The following CACNA2D1 variants were observed in gnomAD, a reference collection of about 807,000 sequenced individuals.
The protein encoded by CACNA2D1 is voltage-dependent calcium channel subunit alpha-2/delta-1.
A neutral mutation model predicts 171.5 loss-of-function variants in CACNA2D1; 53 were observed. The ratio of observed to expected loss-of-function variants is 0.31; its 90% CI spans 0.25 to 0.39. CACNA2D1 has a LOEUF of 0.39. Among genes scored for constraint, CACNA2D1 ranks in the 10% least tolerant of loss-of-function variants. The pLI is 1.00. For synonymous variants in CACNA2D1, 442 were observed against 443.1 expected (o/e 1.00, Z 0.03); for missense variants, 903 against 1,299.8 (o/e 0.69, Z 4.69).
chr7:82,047,734 G>A (rs917464607), intron 10 of CACNA2D1, among the ~76,000 whole-genome samples: 12 of 152,010 alleles, frequency 7.9e-5, no homozygotes, highest in African/African-American at 1.2e-4. Context: ...TCAAAGAAGC[G>A]TACATTCTTG....
intron 7 of CACNA2D1, among the ~76,000 whole-genome samples, chr7:82,069,769 G>A (rs1269553435): frequency 6.6e-6 from 1 of 151,628 alleles, no homozygotes; most frequent in East Asian, 1.9e-4. Flanking sequence ...ATGCATTGAG[G>A]ACTGATTCTC....
In CACNA2D1 at chr7:82,411,895, T is replaced by TCTCACACACACA. The variant is rs1554548045; in HGVS notation, c.95+31469_95+31470insTGTGTGTGTGAG. On this transcript the variant is annotated intron_variant, in intron 1 of 38. Coordinates refer to ENST00000356860, the MANE Select transcript of CACNA2D1 (RefSeq NM_000722.4). ...CCTCAAGCCAAACGAAAACTAAATC[T>TCTCACACACACA]CACACACACACACACACACACACAC... Among the ~76,000 whole-genome samples, 336 of 144,882 alleles carry TCTCACACACACA rather than the reference T, an allele frequency of 2.3e-3. 1 individual carries two copies. The East Asian group carries it at 0.042, about 18-fold the overall frequency.
At chr7:82,172,941 G>T (rs141239901) in intron 3 of CACNA2D1, among the ~76,000 whole-genome samples, 125 of 152,078 alleles carry the variant, frequency 8.2e-4, no homozygotes, top group Non-Finnish European at 1.4e-3. Context: ...TCTTAGAGAA[G>T]AATATTAAGT....
At chr7:82,359,735 C>G (rs892038126) in intron 1 of CACNA2D1, among the ~76,000 whole-genome samples, 2 of 152,122 alleles carry the variant, frequency 1.3e-5, no homozygotes. Flanking sequence ...TACAGACATA[C>G]TGTTTTATAT....
At chr7:82,126,052 A>C (rs1218315902) in intron 5 of CACNA2D1, among the ~76,000 whole-genome samples, 1 of 152,212 alleles carries the variant, frequency 6.6e-6, no homozygotes, top group Non-Finnish European at 1.5e-5. Context: ...GATCCAGGAA[A>C]TGGTCTGTAT....
At chr7:82,232,903 A>G (rs1803128231) in intron 3 of CACNA2D1, among the ~76,000 whole-genome samples, 2 of 137,832 alleles carry the variant, frequency 1.5e-5, no homozygotes, top group African/African-American at 2.6e-5. Flanking sequence ...GACTTGCTTG[A>G]GGTCACATAG....
chr7:82,414,964 A>G (rs1030643080), intron 1 of CACNA2D1, among the ~76,000 whole-genome samples: 1 of 152,236 alleles, frequency 6.6e-6, no homozygotes, highest in Non-Finnish European at 1.5e-5. Flanking sequence ...AACTATTCTC[A>G]CATTACCTTA....
chr7:81,978,750 A>AAT (rs1554336385), intron 24 of CACNA2D1, among the ~76,000 whole-genome samples: 3 of 76,912 alleles, frequency 3.9e-5, no homozygotes, highest in African/African-American at 1.2e-4. Flanking sequence ...TTTTTTAAAA[A>AAT]GTGTATATAT....
intron 3 of CACNA2D1, among the ~76,000 whole-genome samples, chr7:82,278,503 A>C (rs181812539): frequency 6.7e-6 from 1 of 149,408 alleles, no homozygotes; most frequent in African/African-American, 2.5e-5. Flanking sequence ...GGTTGCAGTC[A>C]GCCAAGATCA....
intron 1 of CACNA2D1, among the ~76,000 whole-genome samples, chr7:82,356,290 C>G (rs1344875279): frequency 4.6e-5 from 7 of 152,152 alleles, no homozygotes. Context: ...TTTAATCCAA[C>G]CAACCTCACA....
chr7:82,380,220 A>C (rs894443732), intron 1 of CACNA2D1, among the ~76,000 whole-genome samples: 3 of 152,234 alleles, frequency 2.0e-5, no homozygotes, highest in African/African-American at 7.2e-5. Context: ...ATAAAATTAA[A>C]GTAGGAAAAT....
At chr7:82,031,076 A>G (rs531551333) in intron 12 of CACNA2D1, among the ~76,000 whole-genome samples, 1 of 151,798 alleles carries the variant, frequency 6.6e-6, no homozygotes, top group Non-Finnish European at 1.5e-5. Flanking sequence ...TCTGGGCTGC[A>G]TGCCTAAAGT....
At position 82,153,027 on chromosome 7, in the gene CACNA2D1, C is replaced by G. The variant is rs374671947; in HGVS notation, c.355-16351G>C. Reference sequence around the variant, plus strand: ...GATCACCTAAGCTGATTTCTGTGAACTGATCAGCCAGGCAGTAACATTCAA... The same window carrying G: ...GATCACCTAAGCTGATTTCTGTGAAGTGATCAGCCAGGCAGTAACATTCAA... On this transcript the variant is annotated intron_variant, in intron 4 of 38. Transcript: ENST00000356860. Among the ~76,000 whole-genome samples the G allele has an allele frequency of 2.6e-3, 385 of 150,786 alleles. 1 individual carries two copies. The highest frequency in any genetic ancestry group is 9.0e-3 in the African/African-American group (367 of 40,996).
intron 2 of CACNA2D1, among the ~76,000 whole-genome samples, chr7:82,349,051 TAG>T (rs761821530): frequency 3.3e-5 from 5 of 152,160 alleles, no homozygotes; most frequent in Non-Finnish European, 5.9e-5. Context: ...TCGTCTTTTA[TAG>T]AGTCTCCTTA....
chr7:82,199,145 T>C lies in CACNA2D1; in HGVS notation c.295-28536A>G, dbSNP rs146019581. On this transcript the variant is annotated intron_variant, in intron 3 of 38. Coordinates refer to ENST00000356860, the MANE Select transcript of CACNA2D1 (RefSeq NM_000722.4). ...GTAAAGTTTTATTTACATACTTTTA[T>C]TTTCACATATTTACTTTGCTTTCAC... Among the ~76,000 whole-genome samples the C allele has an allele frequency of 6.5e-3, 997 of 152,268 alleles. 5 individuals are homozygous for C. The highest frequency in any genetic ancestry group is 0.01 in the Non-Finnish European group (688 of 67,996).
At position 82,084,814 on chromosome 7, in the gene CACNA2D1, A is replaced by T; in HGVS notation, c.613T>A (p.Trp205Arg). ...CCAGTGGCACTGCCAAAAACCTGCCACAATAATGAAGGGTCTTCCTCGCGA... is the reference window on the plus strand; with the variant it reads ...CCAGTGGCACTGCCAAAAACCTGCCTCAATAATGAAGGGTCTTCCTCGCGA... ...KNREEDPSLL[W>R]QVFGSATGLA... Residue 205 changes from tryptophan to arginine, a missense_variant, in exon 7 of 39, where the codon TGG becomes AGG. This residue lies in a region of CACNA2D1 where 189 missense variants were observed against 266.8 expected (regional missense o/e 0.71). Coordinates refer to ENST00000356860, the MANE Select transcript of CACNA2D1 (RefSeq NM_000722.4). The T allele has an allele frequency of 6.2e-7, 1 of 1,614,082 alleles. No homozygotes were observed. The highest frequency in any genetic ancestry group is 8.5e-7 in the Non-Finnish European group (1 of 1,179,922).
chr7:82,341,179 T>C (rs1406901415), intron 2 of CACNA2D1, among the ~76,000 whole-genome samples: 1 of 152,196 alleles, frequency 6.6e-6, no homozygotes, highest in East Asian at 1.9e-4. Flanking sequence ...AAGAATGATA[T>C]AATGTACTTT....
chr7:82,195,297 G>A (rs1563186367), intron 3 of CACNA2D1, among the ~76,000 whole-genome samples: 1 of 151,864 alleles, frequency 6.6e-6, no homozygotes, highest in Non-Finnish European at 1.5e-5. Context: ...AACACATAAG[G>A]TAACACTTCA....
Position 82,034,664 on chromosome 7 carries a change from A to C in CACNA2D1, c.1039-1763T>G, listed in dbSNP as rs117926732. ...CTAGTGATTTGTCTTTTTTATCTGC[A>C]TGTGTAAAATAGTCAAAATAATATG... On this transcript the variant is annotated intron_variant, in intron 11 of 38. Coordinates refer to ENST00000356860, the MANE Select transcript of CACNA2D1 (RefSeq NM_000722.4). 1.6e-3 allele frequency among the ~76,000 whole-genome samples: 240 copies of C among 152,136 alleles called. 3 individuals are homozygous for C. The East Asian group carries it at 0.017, about 11-fold the overall frequency.
Sources: gnomAD v4.1 joint callset for allele counts (sites outside exome capture counted in the v4.1 genomes callset) on GRCh38, gnomAD v4.1.1 for gene constraint, gnomAD v4.1.1 regional missense constraint, MANE v1.5 for transcripts, NCBI Gene and HGNC (gene_info 2026-07-23, HGNC 2026-07-21) for gene names.